The following TRPC6 variants were observed in gnomAD, a reference collection of about 807,000 sequenced individuals.
TRPC6 encodes transient receptor potential cation channel subfamily C member 6, also known as short transient receptor potential channel 6.
Under a neutral mutation model 90.7 loss-of-function variants are expected in TRPC6, and 55 were observed. The ratio of observed to expected loss-of-function variants is 0.61; its 90% CI spans 0.49 to 0.76. The LOEUF (loss-of-function observed/expected upper bound fraction) is 0.76, where lower values mean the gene tolerates loss of function less well. Among genes scored for constraint, TRPC6 ranks in the 30% least tolerant of loss-of-function variants. The pLI is 0.00. For synonymous variants in TRPC6, 393 were observed against 393.0 expected, an observed-to-expected ratio of 1.00 and a Z score of 0.00; for missense variants, 989 against 1,122.7, an observed-to-expected ratio of 0.88 and a Z score of 1.70.
intron 1 of TRPC6, among the ~76,000 whole-genome samples, chr11:101,563,553 T>A (rs1406897000): frequency 6.6e-6 from 1 of 152,216 alleles, no homozygotes; most frequent in African/African-American, 2.4e-5. Context: ...TCTTTTTTTT[T>A]ATTAATTTCT....
intron 2 of TRPC6, among the ~76,000 whole-genome samples, chr11:101,499,669 GTA>G (rs1341193061): frequency 0.014 from 569 of 41,666 alleles, 95 homozygotes; most frequent in African/African-American, 0.079. Flanking sequence ...TATAAAATGT[GTA>G]TATATATATA....
At chr11:101,499,462 T>A (rs528139244) in intron 2 of TRPC6, among the ~76,000 whole-genome samples, 20 of 151,500 alleles carry the variant, frequency 1.3e-4, no homozygotes, top group African/African-American at 3.9e-4. Context: ...TATCCTTTTT[T>A]AATTTTATTC....
At chr11:101,582,376 G>A (rs558568719) in intron 1 of TRPC6, among the ~76,000 whole-genome samples, 65 of 152,148 alleles carry the variant, frequency 4.3e-4, no homozygotes, top group African/African-American at 1.5e-3. Flanking sequence ...TGAGAACCTC[G>A]GGAAACCGCT....
intron 10 of TRPC6, among the ~76,000 whole-genome samples, chr11:101,459,552 T>C (rs957105951): frequency 1.3e-5 from 2 of 152,204 alleles, no homozygotes; most frequent in Non-Finnish European, 2.9e-5. Flanking sequence ...GTAACTCTCA[T>C]TTACAATATA....
intron 1 of TRPC6, among the ~76,000 whole-genome samples, chr11:101,566,475 G>C (rs564593399): frequency 6.6e-6 from 1 of 151,920 alleles, no homozygotes; most frequent in African/African-American, 2.4e-5. Context: ...AACATGAAAA[G>C]AAAAAATGTT....
intron 9 of TRPC6, among the ~76,000 whole-genome samples, chr11:101,470,521 T>G (rs1015530873): frequency 6.6e-6 from 1 of 152,144 alleles, no homozygotes; most frequent in Non-Finnish European, 1.5e-5. Flanking sequence ...GATCTTTGCA[T>G]AGCATAAGCC....
At position 101,452,625 on chromosome 11, in the gene TRPC6, C is replaced by CAGG; in HGVS notation, c.*329_*330insCCT. 3.7e-6 allele frequency: 1 copy of CAGG among 273,336 alleles called. No individual in the cohort carries two copies. The highest frequency in any genetic ancestry group is 4.9e-5 in the Admixed American group (1 of 20,598). 16.9% of individuals were successfully genotyped at this position (273,336 alleles called of 1,614,324 possible). A position where few individuals can be genotyped will look rare whatever the true frequency, so the allele number is the denominator to read the frequency against. On this transcript the variant is annotated 3_prime_UTR_variant, in exon 13 of 13. Transcript: ENST00000344327. ...AAACCGCATGGGGAGTAACGTGGGT[C>CAGG]AGCCCCTGTCCGCTGGGACCCATTT...
intron 1 of TRPC6, among the ~76,000 whole-genome samples, chr11:101,552,451 T>C (rs1301578389): frequency 6.6e-6 from 1 of 152,120 alleles, no homozygotes; most frequent in Non-Finnish European, 1.5e-5. Context: ...AGAAACAAAA[T>C]GGTCCAGAAA....
chr11:101,573,921 C>CGTGTGTGTGTGTGTGTGTGT (rs58766729), intron 1 of TRPC6, among the ~76,000 whole-genome samples: 53 of 131,972 alleles, frequency 4.0e-4, no homozygotes, highest in Non-Finnish European at 8.3e-4. Flanking sequence ...GAAACAAATA[C>CGTGTGTGTGTGTGTGTGTGT]GTGTGTGTGT....
At chr11:101,560,044 C>T (rs1861680329) in intron 1 of TRPC6, among the ~76,000 whole-genome samples, 1 of 152,010 alleles carries the variant, frequency 6.6e-6, no homozygotes, top group Non-Finnish European at 1.5e-5. Flanking sequence ...AAAAATAAAA[C>T]CTGTATGACA....
At position 101,504,312 on chromosome 11, in the gene TRPC6, A is replaced by G; in HGVS notation, c.657T>C (p.Asp219=). The change falls in exon 2 of 13, where the codon GAT becomes GAC. Residue 219 remains aspartate (D), a synonymous_variant. Transcript: ENST00000344327. ...GGGCAGCCAGAATGATTGGAGTCAC[A>G]TCATGGGAGAACCGTGTCCCATCTT... ...YDEDGTRFSH[D]VTPIILAAHC... is the part of the protein sequence containing the mutation. 1 of 1,613,952 alleles carries G rather than the reference A, an allele frequency of 6.2e-7. No homozygotes were observed. Among genetic ancestry groups the G allele is most frequent in the Non-Finnish European group, 8.5e-7 (1 of 1,179,828 alleles).
chr11:101,468,102 G>A (rs1156408593), intron 10 of TRPC6, among the ~76,000 whole-genome samples: 2 of 152,154 alleles, frequency 1.3e-5, no homozygotes, highest in Admixed American at 6.5e-5. Flanking sequence ...TTGCCTTCTT[G>A]CTGTCTTACT....
chr11:101,528,348 A>G (rs545933943), intron 1 of TRPC6, among the ~76,000 whole-genome samples: 3 of 152,168 alleles, frequency 2.0e-5, no homozygotes, highest in African/African-American at 7.2e-5. Context: ...AAGAGTTTTC[A>G]ATCAGCAATA....
chr11:101,471,534 C>CT, intron 8 of TRPC6, 148 bp from the exon 9 acceptor site: 2 of 841,792 alleles, frequency 2.4e-6, no homozygotes, highest in Non-Finnish European at 3.8e-6. Context: ...AAAATGTTAA[C>CT]ATTCTATTCA....
At chr11:101,492,485 G>A (rs1185325213) in intron 2 of TRPC6, among the ~76,000 whole-genome samples, 1 of 152,082 alleles carries the variant, frequency 6.6e-6, no homozygotes, top group Admixed American at 6.6e-5. Flanking sequence ...TACTCAGGAG[G>A]CTGAGATGGG....
rs76721703 is a variant in TRPC6, at chr11:101,525,405, T to G, written c.171-20607A>C. ...ATTTAAAAATAACCGACAGCAAAGA[T>G]GCTTAGTCTTAGAATTTTCAGGACA... On this transcript the variant is annotated intron_variant, in intron 1 of 12. Transcript: ENST00000344327. Among the ~76,000 whole-genome samples, 223 of 152,296 alleles carry G rather than the reference T, an allele frequency of 1.5e-3. 2 individuals carry two copies. In the South Asian group the frequency reaches 0.02, roughly 13 times the overall value.
rs935919129 is a variant in TRPC6, at chr11:101,583,830, G to T, written c.-327C>A. 6.8e-6 allele frequency: 2 copies of T among 292,366 alleles called. No homozygotes were observed. The highest frequency in any genetic ancestry group is 1.3e-5 in the Non-Finnish European group (2 of 158,110). The allele number at this position is 292,366 out of a possible 1,614,324, so 18.1% of individuals were successfully genotyped here. ...GCTGGTGGTAGCGAAGCGTAAGAGC[G>T]GAGAGCAAGGGAGACGGAGCTGAAG... On this transcript the variant is annotated 5_prime_UTR_variant, in exon 1 of 13. Coordinates refer to ENST00000344327, the MANE Select transcript of TRPC6 (RefSeq NM_004621.6).
intron 1 of TRPC6, among the ~76,000 whole-genome samples, chr11:101,527,869 A>C (rs552284488): frequency 1.3e-5 from 2 of 152,026 alleles, no homozygotes; most frequent in Admixed American, 6.6e-5. Flanking sequence ...GTCAGGAGTT[A>C]GAGACCAGCC....
chr11:101,551,343 C>G (rs914947423), intron 1 of TRPC6, among the ~76,000 whole-genome samples: 1 of 151,968 alleles, frequency 6.6e-6, no homozygotes, highest in Non-Finnish European at 1.5e-5. Flanking sequence ...GATGGCCAAT[C>G]TGGAGTGACA....
Sources: allele counts gnomAD v4.1 joint callset (sites outside exome capture counted in the v4.1 genomes callset), GRCh38; gene constraint gnomAD v4.1.1; transcripts MANE v1.5; gene names NCBI Gene and HGNC (gene_info 2026-07-23, HGNC 2026-07-21).